PTPN22: variants seen among roughly 807,000 people sequenced by gnomAD.
The protein encoded by PTPN22 is protein tyrosine phosphatase non-receptor type 22, also known as tyrosine-protein phosphatase non-receptor type 22.
In PTPN22, 85 loss-of-function variants were observed where a neutral mutation model predicts 103.3. That is an observed-to-expected ratio of 0.82 (90% CI 0.69 to 0.99). The LOEUF (loss-of-function observed/expected upper bound fraction) is 0.99, where lower values mean the gene tolerates loss of function less well. Ranked by LOEUF, PTPN22 falls within the 50% of genes least tolerant of loss-of-function variation. The pLI is 0.00. For synonymous variants in PTPN22, 323 were observed against 310.2 expected (o/e 1.04, Z -0.43); for missense variants, 865 against 936.9 (o/e 0.92, Z 1.00).
At chr1:113,869,631 G>T (rs1379575256) in intron 1 of PTPN22, among the ~76,000 whole-genome samples, 1 of 152,066 alleles carries the variant, frequency 6.6e-6, no homozygotes, top group African/African-American at 2.4e-5. Flanking sequence ...CTGACCTCAG[G>T]TGATCCACCC....
chr1:113,847,993 C>T (rs1025807742), intron 11 of PTPN22, among the ~76,000 whole-genome samples: 1 of 152,136 alleles, frequency 6.6e-6, no homozygotes, highest in Non-Finnish European at 1.5e-5. Flanking sequence ...CCTTGGCCTT[C>T]CAAAGTGCTG....
At chr1:113,814,655 CAT>C (rs1255130122) in exon 21 of PTPN22, 4 of 397,480 alleles carry the variant, frequency 1.0e-5, no homozygotes, top group African/African-American at 8.4e-5. Context: ...AAGTGTTTCT[CAT>C]ATAGCATTCT....
At chr1:113,837,690 G>A in exon 13 of PTPN22, 2 of 1,603,686 alleles carry the variant, frequency 1.2e-6, no homozygotes, top group South Asian at 1.1e-5. Context: ...GGGATGTAGA[G>A]GATGTTGGCA....
At chr1:113,849,590 A>AT (rs1277674450) in intron 10 of PTPN22, among the ~76,000 whole-genome samples, 164 of 76,730 alleles carry the variant, frequency 2.1e-3, no homozygotes, top group African/African-American at 5.1e-3. Context: ...TTATTTATTT[A>AT]TTTATTTTTT....
chr1:113,841,951 T>A (rs1362439984), intron 11 of PTPN22, among the ~76,000 whole-genome samples: 1 of 152,002 alleles, frequency 6.6e-6, no homozygotes, highest in Non-Finnish European at 1.5e-5. Context: ...ATGCTTTTAG[T>A]CTCAGCTACT....
chr1:113,855,043 G>C (rs34590413), exon 8 of PTPN22: 5 of 1,608,754 alleles, frequency 3.1e-6, no homozygotes, highest in Admixed American at 1.7e-5. Flanking sequence ...TAGATAGTTC[G>C]AGTTTCCTAT....
intron 15 of PTPN22, among the ~76,000 whole-genome samples, chr1:113,833,959 C>T (rs1662765943): frequency 6.6e-6 from 1 of 152,228 alleles, no homozygotes; most frequent in African/African-American, 2.4e-5. Flanking sequence ...AGAATCAGCT[C>T]AAATGTTTCC....
intron 20 of PTPN22, among the ~76,000 whole-genome samples, chr1:113,816,053 A>C (rs1447939154): frequency 6.6e-6 from 1 of 152,252 alleles, no homozygotes; most frequent in Non-Finnish European, 1.5e-5. Flanking sequence ...AAATGTTTGA[A>C]GTATAGGGGA....
chr1:113,818,406 G>A (rs963717439), intron 20 of PTPN22, among the ~76,000 whole-genome samples: 18 of 151,574 alleles, frequency 1.2e-4, no homozygotes, highest in African/African-American at 4.1e-4. Context: ...CTCATGATCC[G>A]CCCGCCTCAG....
At chr1:113,816,854 A>G (rs1471584890) in intron 20 of PTPN22, among the ~76,000 whole-genome samples, 1 of 152,176 alleles carries the variant, frequency 6.6e-6, no homozygotes, top group African/African-American at 2.4e-5. Context: ...GGTTACAGTG[A>G]GCTGAGATCG....
At chr1:113,855,199 A>C in intron 7 of PTPN22, 150 bp from the exon 8 acceptor site, 1 of 693,896 alleles carries the variant, frequency 1.4e-6, no homozygotes, top group Non-Finnish European at 2.3e-6. Flanking sequence ...TTATATTCAT[A>C]AGATTAAAGT....
At chr1:113,833,067 AATCTTAGGGCTAAATGTC>A (rs1404535596) in intron 16 of PTPN22, 26 bp downstream of exon 16, 12 of 1,525,352 alleles carry the variant, frequency 7.9e-6, no homozygotes, top group Non-Finnish European at 9.0e-6. Flanking sequence ...CCATTCTTCC[AATCTTAGGGCTAAATGTC>A]ATCTAAAGCC....
chr1:113,826,658 A>ATTT (rs1662089163), intron 18 of PTPN22, among the ~76,000 whole-genome samples: 1 of 108,310 alleles, frequency 9.2e-6, no homozygotes. Context: ...TGGAGTCTCT[A>ATTT]ATTTTTTTTT....
At chr1:113,834,949 C>T (rs1265830468) in exon 14 of PTPN22, 2 of 1,574,554 alleles carry the variant, frequency 1.3e-6, no homozygotes. Context: ...GGTGTCCATA[C>T]AGGAAGTGGA....
At chr1:113,860,836 T>C (rs953222969) in intron 1 of PTPN22, among the ~76,000 whole-genome samples, 3 of 152,236 alleles carry the variant, frequency 2.0e-5, no homozygotes, top group African/African-American at 7.2e-5. Flanking sequence ...GTTATACTGT[T>C]TTTATTTATT....
intron 4 of PTPN22, 51 bp downstream of exon 4, chr1:113,858,427 C>T: frequency 7.4e-7 from 1 of 1,342,404 alleles, no homozygotes; most frequent in East Asian, 2.4e-5. Context: ...TTTAAAAGCA[C>T]TGTTTTTAAT....
intron 16 of PTPN22, among the ~76,000 whole-genome samples, chr1:113,830,576 A>G (rs546805963): frequency 7.4e-4 from 112 of 152,356 alleles, no homozygotes; most frequent in African/African-American, 2.5e-3. Flanking sequence ...GTTTGAATCC[A>G]GATTTGAATA....
intron 16 of PTPN22, among the ~76,000 whole-genome samples, chr1:113,832,661 T>G (rs1251856952): frequency 6.6e-6 from 1 of 152,204 alleles, no homozygotes; most frequent in Non-Finnish European, 1.5e-5. Context: ...CAACTACCAC[T>G]TGTGATAATG....
intron 11 of PTPN22, among the ~76,000 whole-genome samples, chr1:113,847,041 A>T (rs948988309): frequency 1.9e-4 from 23 of 121,996 alleles, no homozygotes; most frequent in East Asian, 8.9e-4. Flanking sequence ...AGCTCTGTTT[A>T]TTTTTTTTTC....
Sources: gnomAD v4.1 joint callset for allele counts (sites outside exome capture counted in the v4.1 genomes callset) on GRCh38, gnomAD v4.1.1 for gene constraint, MANE v1.5 for transcripts, NCBI Gene and HGNC (gene_info 2026-07-23, HGNC 2026-07-21) for gene names.